Variants in KIAA1328 observed in about 807,000 individuals in gnomAD.
KIAA1328 encodes the protein KIAA1328, also known as protein hinderin.
Under a neutral mutation model 68.1 loss-of-function variants are expected in KIAA1328, and 52 were observed. That is an observed-to-expected ratio of 0.76 (90% CI 0.61 to 0.96). The LOEUF (loss-of-function observed/expected upper bound fraction) is 0.96. KIAA1328 is among the 40% of genes least tolerant of loss of function. KIAA1328 has a pLI of 0.00. For synonymous variants in KIAA1328, 232 were observed against 239.4 expected, an observed-to-expected ratio of 0.97 and a Z score of 0.28; for missense variants, 641 against 677.6, an observed-to-expected ratio of 0.95 and a Z score of 0.60.
chr18:37,136,588 T>C (rs1489142687), intron 7 of KIAA1328, among the ~76,000 whole-genome samples: 1 of 152,234 alleles, frequency 6.6e-6, no homozygotes, highest in East Asian at 1.9e-4. Context: ...TATATGTATG[T>C]TGGGCCTCTT....
chr18:37,072,293 G>A lies in KIAA1328; in HGVS notation c.1232+4748G>A, dbSNP rs1428805787. 7.3e-5 allele frequency among the ~76,000 whole-genome samples: 9 copies of A among 123,334 alleles called. No homozygotes were observed. In the East Asian group the frequency reaches 1.8e-3, roughly 24 times the overall value. The allele number at this position is 123,334 out of a possible 152,430, so 80.9% of individuals were successfully genotyped here. On this transcript the variant is annotated intron_variant, in intron 7 of 9. Coordinates refer to ENST00000280020, the MANE Select transcript of KIAA1328 (RefSeq NM_020776.3). ...CTGAATATAGGATTCTGAGTTGACA[G>A]GGTTGCTTTTTTTTTTTCTATCAGC...
chr18:37,026,056 AC>A (rs1271625227), intron 6 of KIAA1328, among the ~76,000 whole-genome samples: 1 of 152,218 alleles, frequency 6.6e-6, no homozygotes, highest in African/African-American at 2.4e-5. Context: ...CACCAATCCC[AC>A]AGAAATACAA....
Position 37,220,711 on chromosome 18 carries a change from C to G in KIAA1328, c.1524-1306C>G, listed in dbSNP as rs80132388. The stretch of plus-strand genomic sequence containing the variant: ...GCTTGGGAAACAGACAACCCAGCCT[C>G]TCACCACTGCTGCTTCTGCCATTGT... On this transcript the variant is annotated intron_variant, in intron 9 of 9. Transcript: ENST00000280020. Among the ~76,000 whole-genome samples, 17 of 152,358 alleles carry G rather than the reference C, an allele frequency of 1.1e-4. No homozygotes were observed. In the East Asian group the frequency reaches 3.1e-3, roughly 28 times the overall value.
intron 6 of KIAA1328, among the ~76,000 whole-genome samples, chr18:37,016,377 T>C (rs541623667): frequency 6.6e-6 from 1 of 152,006 alleles, no homozygotes; most frequent in African/African-American, 2.4e-5. Flanking sequence ...ACTTTTGTTA[T>C]GATTTTGTTC....
chr18:37,169,735 A>G (rs1484330081), intron 8 of KIAA1328, among the ~76,000 whole-genome samples: 1 of 152,256 alleles, frequency 6.6e-6, no homozygotes, highest in East Asian at 1.9e-4. Context: ...CTTTACAGCA[A>G]TCATTCTTAT....
chr18:36,881,696 T>C lies in KIAA1328; in HGVS notation c.333-3861T>C, dbSNP rs2048333182. ...GCCCATTCTAGATATCTCATAAAAA[T>C]GGAATCATATATGTGATCTTTTGAA... On this transcript the variant is annotated intron_variant, in intron 4 of 9. Coordinates refer to ENST00000280020, the MANE Select transcript of KIAA1328 (RefSeq NM_020776.3). Among the ~76,000 whole-genome samples the C allele has an allele frequency of 2.0e-5, 3 of 152,188 alleles. No homozygotes were observed. In the South Asian group the frequency reaches 6.2e-4, roughly 32 times the overall value.
chr18:37,175,205 A>C (rs1243302584), intron 9 of KIAA1328, among the ~76,000 whole-genome samples: 1 of 152,198 alleles, frequency 6.6e-6, no homozygotes, highest in Non-Finnish European at 1.5e-5. Context: ...CCTATTGTTA[A>C]AGATTAAAAT....
intron 6 of KIAA1328, among the ~76,000 whole-genome samples, chr18:37,052,929 T>C (rs1412393613): frequency 1.3e-5 from 2 of 152,170 alleles, no homozygotes; most frequent in Admixed American, 6.5e-5. Flanking sequence ...CAAATCGATT[T>C]ATAGATTCAG....
At chr18:36,967,282 T>C (rs942648590) in intron 6 of KIAA1328, among the ~76,000 whole-genome samples, 1 of 152,200 alleles carries the variant, frequency 6.6e-6, no homozygotes, top group Non-Finnish European at 1.5e-5. Context: ...CTGAGGATAG[T>C]TCATGGCTAA....
chr18:36,979,953 G>T (rs1191731066), intron 6 of KIAA1328, among the ~76,000 whole-genome samples: 4 of 152,146 alleles, frequency 2.6e-5, no homozygotes, highest in Non-Finnish European at 5.9e-5. Context: ...TTTAGGTCAT[G>T]AGGGTCTCAC....
intron 4 of KIAA1328, among the ~76,000 whole-genome samples, chr18:36,870,811 C>A (rs1459696603): frequency 6.6e-6 from 1 of 152,220 alleles, no homozygotes; most frequent in East Asian, 1.9e-4. Flanking sequence ...CCTTAGTCTT[C>A]TTCAATTCAG....
At chr18:37,078,716 AAC>A (rs1568376579) in intron 7 of KIAA1328, among the ~76,000 whole-genome samples, 1 of 150,876 alleles carries the variant, frequency 6.6e-6, no homozygotes, top group African/African-American at 2.5e-5. Context: ...GCAGCCAAAA[AAC>A]ACATGAAAAA....
At chr18:37,050,893 C>T (rs907491162) in intron 6 of KIAA1328, among the ~76,000 whole-genome samples, 1 of 152,016 alleles carries the variant, frequency 6.6e-6, no homozygotes, top group Non-Finnish European at 1.5e-5. Flanking sequence ...CTTTCATTTC[C>T]TTGATGTACA....
chr18:37,148,232 G>A (rs2058948795), intron 7 of KIAA1328, among the ~76,000 whole-genome samples: 1 of 152,110 alleles, frequency 6.6e-6, no homozygotes, highest in Non-Finnish European at 1.5e-5. Context: ...TGCGGTATTT[G>A]GCTTTCTGTT....
chr18:37,042,958 A>G lies in KIAA1328; in HGVS notation c.577-23932A>G, dbSNP rs975144694. 5.9e-5 allele frequency among the ~76,000 whole-genome samples: 9 copies of G among 151,628 alleles called. No individual in the cohort carries two copies. In the South Asian group the frequency reaches 8.3e-4, roughly 14 times the overall value. The stretch of plus-strand genomic sequence containing the variant: ...TTCTTTCTACTCTTTAGGTTAAATA[A>G]TCTCTATTAATCTGTTTTTAAGTTC... On this transcript the variant is annotated intron_variant, in intron 6 of 9. Coordinates refer to ENST00000280020, the MANE Select transcript of KIAA1328 (RefSeq NM_020776.3).
At chr18:37,209,965 G>A (rs1369516158) in intron 9 of KIAA1328, among the ~76,000 whole-genome samples, 1 of 152,188 alleles carries the variant, frequency 6.6e-6, no homozygotes, top group African/African-American at 2.4e-5. Context: ...AAAGGACTGA[G>A]CCCTGGGGCA....
chr18:36,930,824 C>T (rs1023383320), intron 5 of KIAA1328, among the ~76,000 whole-genome samples: 1 of 151,788 alleles, frequency 6.6e-6, no homozygotes, highest in Non-Finnish European at 1.5e-5. Context: ...CATTTTTGCC[C>T]TAATTCTTCT....
At chr18:37,154,582 A>G (rs1008013710) in intron 7 of KIAA1328, among the ~76,000 whole-genome samples, 6 of 152,096 alleles carry the variant, frequency 3.9e-5, no homozygotes, top group African/African-American at 9.7e-5. Flanking sequence ...TGAGATCCCA[A>G]TATCCATATG....
rs546254020 is a variant in KIAA1328, at chr18:36,911,079, C to G, written c.448+25407C>G. ...CACAGATTACATTTTACCCTCTTCC[C>G]TTTTGCATCCTCCGTTTGGCAGAAA... On this transcript the variant is annotated intron_variant, in intron 5 of 9. Transcript: ENST00000280020. Among the ~76,000 whole-genome samples, 52 of 152,206 alleles carry G rather than the reference C, an allele frequency of 3.4e-4. 1 individual carries two copies. In the South Asian group the frequency reaches 4.4e-3, roughly 13 times the overall value.
Sources: allele counts gnomAD v4.1 joint callset (sites outside exome capture counted in the v4.1 genomes callset), GRCh38; gene constraint gnomAD v4.1.1; transcripts MANE v1.5; gene names NCBI Gene and HGNC (gene_info 2026-07-23, HGNC 2026-07-21).